The following STAG1 variants were observed in gnomAD, a reference collection of about 807,000 sequenced individuals.
The protein encoded by STAG1 is STAG1 cohesin complex component, also known as cohesin subunit SA-1.
STAG1 carries 26 observed loss-of-function variants against 170.9 expected under a neutral mutation model. The ratio of observed to expected loss-of-function variants is 0.15; its 90% CI spans 0.11 to 0.21. STAG1 has a LOEUF of 0.21. Ranked by LOEUF, STAG1 falls within the 10% of genes least tolerant of loss-of-function variation. The pLI is 1.00. For missense variants in STAG1, 964 were observed against 1,509.5 expected (o/e 0.64, Z 5.99); for synonymous variants, 514 against 497.7 (o/e 1.03, Z -0.44).
chr3:136,510,190 C>T (rs900914956), intron 7 of STAG1, among the ~76,000 whole-genome samples: 1 of 152,170 alleles, frequency 6.6e-6, no homozygotes, highest in African/African-American at 2.4e-5. Flanking sequence ...AAATTGTAAT[C>T]CCCATAATCC....
chr3:136,697,869 T>C (rs1942944595), intron 1 of STAG1, among the ~76,000 whole-genome samples: 1 of 152,232 alleles, frequency 6.6e-6, no homozygotes, highest in African/African-American at 2.4e-5. Flanking sequence ...GATTAGAAGA[T>C]ACATTTATAG....
chr3:136,595,635 C>T (rs951595691), intron 4 of STAG1, among the ~76,000 whole-genome samples: 4 of 151,182 alleles, frequency 2.6e-5, no homozygotes, highest in Non-Finnish European at 5.9e-5. Flanking sequence ...CGAGACCGCA[C>T]CACTGCACTC....
At chr3:136,382,869 A>G (rs954059744) in intron 22 of STAG1, among the ~76,000 whole-genome samples, 1 of 152,242 alleles carries the variant, frequency 6.6e-6, no homozygotes, top group African/African-American at 2.4e-5. Flanking sequence ...AGAATTATAC[A>G]TACTGACAGA....
chr3:136,338,336 CATAA>C (rs1219054287), intron 33 of STAG1, 30 bp downstream of exon 33: 27 of 1,590,400 alleles, frequency 1.7e-5, no homozygotes, highest in Non-Finnish European at 2.3e-5. Context: ...ACCCAGGAAC[CATAA>C]ATAAAAAGCA....
At chr3:136,752,092 G>C (rs1935291956) in intron 1 of STAG1, 103 bp downstream of exon 1, 1 of 152,924 alleles carries the variant, frequency 6.5e-6, no homozygotes, top group Admixed American at 6.6e-5. Flanking sequence ...TCTCGCTCTC[G>C]CCCGGCCTCC....
intron 1 of STAG1, among the ~76,000 whole-genome samples, chr3:136,731,553 GAGAA>G (rs933585580): frequency 6.6e-6 from 1 of 152,322 alleles, no homozygotes; most frequent in African/African-American, 2.4e-5. Context: ...CCCTGGATGG[GAGAA>G]AGAGAGGAGC....
rs377326532 is a variant in STAG1, at chr3:136,519,148, T to C, written c.676+2065A>G. Among the ~76,000 whole-genome samples the C allele has an allele frequency of 2.8e-4, 42 of 152,212 alleles. No individual in the cohort carries two copies. The South Asian group carries it at 5.0e-3, about 18-fold the overall frequency. On this transcript the variant is annotated intron_variant, in intron 7 of 33. Transcript: ENST00000383202. ...ACAAATGCAAATGAGTTAAAGTGCA[T>C]TGTTCACAAAATAAAACAATGTTTT...
At chr3:136,567,887 C>A (rs968759203) in intron 5 of STAG1, among the ~76,000 whole-genome samples, 1 of 152,164 alleles carries the variant, frequency 6.6e-6, no homozygotes, top group African/African-American at 2.4e-5. Context: ...AAGCCCTTTG[C>A]TGAACTATTA....
intron 14 of STAG1, among the ~76,000 whole-genome samples, chr3:136,447,863 C>T (rs761504957): frequency 2.0e-5 from 3 of 151,982 alleles, no homozygotes; most frequent in Non-Finnish European, 2.9e-5. Flanking sequence ...GTGATCTGCC[C>T]GCCTCCACCT....
chr3:136,450,259 A>G (rs2088899087), intron 14 of STAG1, among the ~76,000 whole-genome samples: 1 of 152,194 alleles, frequency 6.6e-6, no homozygotes, highest in South Asian at 2.1e-4. Context: ...GAGCATGAGC[A>G]CTATCTTGGA....
At chr3:136,615,908 AAAG>A (rs1559911496) in intron 3 of STAG1, among the ~76,000 whole-genome samples, 1 of 152,220 alleles carries the variant, frequency 6.6e-6, no homozygotes, top group Non-Finnish European at 1.5e-5. Flanking sequence ...AGTAAGCCCT[AAAG>A]ATACAAACTT....
chr3:136,678,027 T>C (rs1942193661), intron 1 of STAG1, among the ~76,000 whole-genome samples: 1 of 149,234 alleles, frequency 6.7e-6, no homozygotes, highest in African/African-American at 2.4e-5. Context: ...TTAGTAAAAG[T>C]TGGCACTAGT....
At chr3:136,420,940 T>C (rs1559790823) in intron 20 of STAG1, among the ~76,000 whole-genome samples, 153 bp downstream of exon 20, 1 of 152,132 alleles carries the variant, frequency 6.6e-6, no homozygotes, top group African/African-American at 2.4e-5. Flanking sequence ...GACACTCTCA[T>C]GCCCAATTTT....
chr3:136,454,323 G>A (rs6766450), intron 13 of STAG1, among the ~76,000 whole-genome samples: 54,672 of 146,942 alleles, frequency 0.37, 10,838 homozygotes, highest in African/African-American at 0.53. Flanking sequence ...CAAGTAATCC[G>A]CCCACCTCAG....
At chr3:136,746,227 C>G (rs1934928156) in intron 1 of STAG1, among the ~76,000 whole-genome samples, 1 of 152,150 alleles carries the variant, frequency 6.6e-6, no homozygotes, top group Non-Finnish European at 1.5e-5. Flanking sequence ...CATCTAAATT[C>G]TAAAGATTTA....
chr3:136,721,209 G>C (rs1282546437), intron 1 of STAG1, among the ~76,000 whole-genome samples: 2 of 152,130 alleles, frequency 1.3e-5, no homozygotes, highest in African/African-American at 4.8e-5. Flanking sequence ...TTACAGACAA[G>C]AGATCAAGAT....
chr3:136,478,033 A>G (rs1047620517), intron 9 of STAG1, among the ~76,000 whole-genome samples: 1 of 151,870 alleles, frequency 6.6e-6, no homozygotes, highest in Non-Finnish European at 1.5e-5. Context: ...CAAGTGATCC[A>G]CCCACCTCGG....
intron 1 of STAG1, among the ~76,000 whole-genome samples, chr3:136,637,782 A>G (rs182093269): frequency 6.6e-6 from 1 of 152,350 alleles, no homozygotes; most frequent in Admixed American, 6.5e-5. Context: ...TCACAGCTAC[A>G]GGAGGAAGAC....
chr3:136,541,983 C>A (rs1408311614), intron 6 of STAG1, 136 bp downstream of exon 6: 11 of 660,906 alleles, frequency 1.7e-5, no homozygotes, highest in Non-Finnish European at 2.9e-5. Flanking sequence ...ATTAGTACCA[C>A]AGATTATCAT....
Sources: gnomAD v4.1 joint callset for allele counts (sites outside exome capture counted in the v4.1 genomes callset) on GRCh38, gnomAD v4.1.1 for gene constraint, MANE v1.5 for transcripts, NCBI Gene and HGNC (gene_info 2026-07-23, HGNC 2026-07-21) for gene names.